Variants in NCKAP5 observed in about 807,000 individuals in gnomAD.
NCKAP5 encodes NCK associated protein 5.
Under a neutral mutation model 167.0 loss-of-function variants are expected in NCKAP5, and 92 were observed. The observed-to-expected ratio is 0.55, with a 90% CI of 0.47 to 0.66. NCKAP5 has a LOEUF of 0.66. NCKAP5 is among the 30% of genes least tolerant of loss of function. NCKAP5 has a pLI of 0.00. For missense variants in NCKAP5, 2,378 were observed against 2,315.0 expected (o/e 1.03, Z -0.56); for synonymous variants, 891 against 877.4 (o/e 1.02, Z -0.27).
At chr2:132,830,576 A>G (rs994752543) in intron 11 of NCKAP5, among the ~76,000 whole-genome samples, 2 of 152,146 alleles carry the variant, frequency 1.3e-5, no homozygotes, top group Non-Finnish European at 2.9e-5. Flanking sequence ...CCACAGAGAT[A>G]AGAGCACAGA....
At chr2:132,965,375 A>G (rs1044751912) in intron 7 of NCKAP5, among the ~76,000 whole-genome samples, 4 of 152,192 alleles carry the variant, frequency 2.6e-5, no homozygotes, top group Non-Finnish European at 4.4e-5. Flanking sequence ...CATTTCCAAG[A>G]TAAGGAATAT....
chr2:132,838,165 C>T (rs570822141), intron 11 of NCKAP5, among the ~76,000 whole-genome samples: 14 of 152,290 alleles, frequency 9.2e-5, no homozygotes, highest in African/African-American at 1.7e-4. Flanking sequence ...AGACTTTCCA[C>T]CCTCCTGCTC....
chr2:132,947,719 A>C (rs1039569697), intron 8 of NCKAP5, among the ~76,000 whole-genome samples: 1 of 152,178 alleles, frequency 6.6e-6, no homozygotes, highest in African/African-American at 2.4e-5. Context: ...AGCCCACCGT[A>C]GAGAGGACAC....
chr2:133,502,987 TG>T (rs1427755015), intron 3 of NCKAP5, among the ~76,000 whole-genome samples: 1 of 152,154 alleles, frequency 6.6e-6, no homozygotes, highest in Admixed American at 6.5e-5. Flanking sequence ...CACATCCAGT[TG>T]GGTGAGCCTA....
chr2:133,244,756 C>T (rs2087891295), intron 4 of NCKAP5, among the ~76,000 whole-genome samples: 1 of 152,012 alleles, frequency 6.6e-6, no homozygotes, highest in Non-Finnish European at 1.5e-5. Context: ...CAGTTGGACA[C>T]CCATATGAAG....
At chr2:133,048,216 T>C (rs1450429677) in intron 6 of NCKAP5, among the ~76,000 whole-genome samples, 2 of 152,178 alleles carry the variant, frequency 1.3e-5, no homozygotes, top group African/African-American at 2.4e-5. Context: ...TGGGGGAACC[T>C]GGCACATAAA....
the NCKAP5 span, among the ~76,000 whole-genome samples, chr2:133,619,072 G>T: frequency 1.5e-5 from 2 of 132,582 alleles, no homozygotes; most frequent in Admixed American, 7.9e-5. Flanking sequence ...ACCAAACACC[G>T]CATATTCTCA....
chr2:133,248,964 T>A (rs1286724537), intron 4 of NCKAP5, among the ~76,000 whole-genome samples: 1 of 152,192 alleles, frequency 6.6e-6, no homozygotes, highest in African/African-American at 2.4e-5. Context: ...GGTATCTTAC[T>A]TTTAAATTTG....
chr2:133,242,254 C>A (rs112540108), intron 4 of NCKAP5, among the ~76,000 whole-genome samples: 6 of 135,380 alleles, frequency 4.4e-5, no homozygotes, highest in Non-Finnish European at 7.5e-5. Flanking sequence ...CTTTTCTTTT[C>A]TTTTCTTTTT....
At chr2:132,890,986 G>A (rs1259833641) in intron 8 of NCKAP5, among the ~76,000 whole-genome samples, 1 of 152,124 alleles carries the variant, frequency 6.6e-6, no homozygotes, top group African/African-American at 2.4e-5. Context: ...AACCCATTAG[G>A]TTTAGGACCA....
At chr2:132,763,870 T>C (rs764694922) in intron 16 of NCKAP5, among the ~76,000 whole-genome samples, 3 of 152,176 alleles carry the variant, frequency 2.0e-5, no homozygotes, top group Non-Finnish European at 4.4e-5. Context: ...GTCTTATTCC[T>C]CTTTGTATGC....
intron 3 of NCKAP5, among the ~76,000 whole-genome samples, chr2:133,396,633 C>A (rs1447471330): frequency 6.6e-6 from 1 of 152,048 alleles, no homozygotes; most frequent in Non-Finnish European, 1.5e-5. Context: ...AAGTTCCCCC[C>A]TTTTTATAAG....
At chr2:133,598,900 G>A in the NCKAP5 span, among the ~76,000 whole-genome samples, 4 of 152,208 alleles carry the variant, frequency 2.6e-5, no homozygotes, top group Non-Finnish European at 5.9e-5. Context: ...ATCCCTCCCA[G>A]CCCCATCCTA....
At chr2:132,822,071 G>A (rs912335421) in intron 11 of NCKAP5, among the ~76,000 whole-genome samples, 2 of 152,168 alleles carry the variant, frequency 1.3e-5, no homozygotes. Context: ...CTGCTCTCTT[G>A]AAAGTGCCAC....
Position 132,781,967 on chromosome 2 carries a change from T to C in NCKAP5, c.4844A>G (p.Asp1615Gly). The C allele has an allele frequency of 1.9e-6, 3 of 1,613,336 alleles. No individual in the cohort carries two copies. Among genetic ancestry groups the C allele is most frequent in the East Asian group, 2.2e-5 (1 of 44,868 alleles). The part of the protein sequence containing the change: ...RHSPVACSTK[D>G]TFMTELLNRV... Reference sequence around the variant, plus strand: ...GTTCAAGAGTTCCGTCATGAAGGTGTCTTTCGTTGAACATGCAACAGGGCT... The same window carrying C: ...GTTCAAGAGTTCCGTCATGAAGGTGCCTTTCGTTGAACATGCAACAGGGCT... Residue 1615 changes from aspartate (D) to glycine (G), a missense_variant, in exon 14 of 20, where the codon GAC becomes GGC. Physicochemically the swap from Asp to Gly is moderately conservative, Grantham distance 94. This residue lies in a region of NCKAP5 where 1,325 missense variants were observed against 1,274.5 expected (regional missense o/e 1.04). Coordinates refer to ENST00000409261, the MANE Select transcript of NCKAP5 (RefSeq NM_207363.3).
chr2:133,195,554 C>T (rs1178188103), intron 5 of NCKAP5, among the ~76,000 whole-genome samples: 1 of 152,080 alleles, frequency 6.6e-6, no homozygotes, highest in Admixed American at 6.6e-5. Flanking sequence ...GGATATTTTC[C>T]TTGTCTGGGC....
intron 6 of NCKAP5, among the ~76,000 whole-genome samples, chr2:133,009,637 T>C (rs894650352): frequency 6.6e-6 from 1 of 152,148 alleles, no homozygotes; most frequent in African/African-American, 2.4e-5. Context: ...ATGATAGGCT[T>C]TGTGTGGTAA....
intron 3 of NCKAP5, among the ~76,000 whole-genome samples, chr2:133,335,846 T>C (rs1254419615): frequency 2.0e-5 from 3 of 152,210 alleles, no homozygotes; most frequent in Admixed American, 2.0e-4. Flanking sequence ...ATTGATTTTA[T>C]ATGCTAATCA....
At chr2:132,760,973 A>G (rs1221522389) in intron 16 of NCKAP5, among the ~76,000 whole-genome samples, 3 of 152,182 alleles carry the variant, frequency 2.0e-5, no homozygotes, top group Admixed American at 2.0e-4. Context: ...AAAAGAGTGA[A>G]TTAGGTCCCT....
Sources: gnomAD v4.1 joint callset for allele counts (sites outside exome capture counted in the v4.1 genomes callset) on GRCh38, gnomAD v4.1.1 for gene constraint, gnomAD v4.1.1 regional missense constraint, MANE v1.5 for transcripts, NCBI Gene and HGNC (gene_info 2026-07-23, HGNC 2026-07-21) for gene names.